The following CHLSN variants were observed in gnomAD, a reference collection of about 807,000 sequenced individuals.
The protein encoded by CHLSN is cholesin.
chr7:1,034,389 AG>A, the CHLSN span, among the ~76,000 whole-genome samples: 5 of 135,438 alleles, frequency 3.7e-5, no homozygotes, highest in African/African-American at 1.3e-4. Flanking sequence ...CGTAAATTTC[AG>A]GGTTTTTTTT....
the CHLSN span, chr7:1,025,003 C>G: frequency 2.6e-5 from 4 of 152,302 alleles, no homozygotes; most frequent in African/African-American, 9.6e-5. Flanking sequence ...GGAGGTGTCA[C>G]AAGGGAAGGC....
the CHLSN span, among the ~76,000 whole-genome samples, chr7:1,027,249 C>T: frequency 6.6e-6 from 1 of 152,246 alleles, no homozygotes; most frequent in African/African-American, 2.4e-5. Context: ...TCATAAAAAT[C>T]ACTGTCAATT....
At chr7:1,004,004 G>A in the CHLSN span, among the ~76,000 whole-genome samples, 1 of 150,172 alleles carries the variant, frequency 6.7e-6, no homozygotes, top group East Asian at 2.0e-4. Flanking sequence ...GAGTCCTGTG[G>A]GTGAGTGGAG....
At chr7:1,034,792 T>A in the CHLSN span, among the ~76,000 whole-genome samples, 4 of 84,782 alleles carry the variant, frequency 4.7e-5, no homozygotes, top group Admixed American at 5.0e-4. Flanking sequence ...TCCTCCTCCC[T>A]CCTCCCACCT....
the CHLSN span, among the ~76,000 whole-genome samples, chr7:1,071,490 CACAAT>C: frequency 6.6e-6 from 1 of 151,954 alleles, no homozygotes; most frequent in Non-Finnish European, 1.5e-5. Flanking sequence ...CCACTGGCCA[CACAAT>C]ACATTAAAAA....
the CHLSN span, among the ~76,000 whole-genome samples, chr7:1,089,854 G>A: frequency 2.0e-5 from 3 of 151,812 alleles, no homozygotes; most frequent in African/African-American, 7.3e-5. Flanking sequence ...AGGCCAAGGC[G>A]GGCAGATCAC....
chr7:1,025,980 GA>G, the CHLSN span: 2 of 152,264 alleles, frequency 1.3e-5, no homozygotes, highest in Admixed American at 6.5e-5. Context: ...GCAGTGGAGG[GA>G]AGAGTGAACT....
At chr7:1,070,393 G>A in the CHLSN span, among the ~76,000 whole-genome samples, 20 of 143,982 alleles carry the variant, frequency 1.4e-4, no homozygotes, top group African/African-American at 4.7e-4. Context: ...CGCCCCGTCC[G>A]GGAGGTGAGG....
chr7:1,057,174 C>A, the CHLSN span, among the ~76,000 whole-genome samples: 2 of 152,142 alleles, frequency 1.3e-5, no homozygotes, highest in African/African-American at 4.8e-5. Context: ...CCCGTCCAAC[C>A]AACTCAGGAC....
chr7:1,135,959 ATATATATAAG>A, the CHLSN span, among the ~76,000 whole-genome samples: 1 of 95,558 alleles, frequency 1.0e-5, no homozygotes, highest in African/African-American at 5.3e-5. Context: ...ATATATATAA[ATATATATAAG>A]TATATATAAA....
At chr7:987,157 C>T in the CHLSN span, 4 of 1,577,698 alleles carry the variant, frequency 2.5e-6, no homozygotes, top group Admixed American at 5.3e-5. Context: ...TGGCCTGCAC[C>T]CTGGACATGG....
chr7:1,089,145 A>T, the CHLSN span, among the ~76,000 whole-genome samples: 1 of 152,366 alleles, frequency 6.6e-6, no homozygotes, highest in South Asian at 2.1e-4. Flanking sequence ...GCCGTTTTTA[A>T]GAAATTAAAT....
the CHLSN span, among the ~76,000 whole-genome samples, chr7:1,137,073 A>C: frequency 6.6e-6 from 1 of 152,118 alleles, no homozygotes; most frequent in Non-Finnish European, 1.5e-5. Flanking sequence ...ACTTGGAGGG[A>C]AAGTCAAGGT....
the CHLSN span, chr7:1,058,693 C>T: frequency 1.7e-6 from 1 of 603,170 alleles, no homozygotes; most frequent in East Asian, 2.8e-5. Flanking sequence ...AGGCTGTGGT[C>T]CCCGTGGCTG....
At chr7:1,135,716 G>A in the CHLSN span, among the ~76,000 whole-genome samples, 1 of 149,488 alleles carries the variant, frequency 6.7e-6, no homozygotes, top group Non-Finnish European at 1.5e-5. Context: ...AGTGAGCCGA[G>A]ATCGCGCCAC....
the CHLSN span, among the ~76,000 whole-genome samples, chr7:1,135,824 A>G: frequency 7.1e-6 from 1 of 140,136 alleles, no homozygotes; most frequent in Non-Finnish European, 1.5e-5. Flanking sequence ...ATATAAAATA[A>G]ATATATAAAT....
the CHLSN span, among the ~76,000 whole-genome samples, chr7:1,037,408 C>T: frequency 7.8e-6 from 1 of 127,504 alleles, no homozygotes; most frequent in Non-Finnish European, 1.7e-5. Context: ...GTGCGCGCCG[C>T]CACGCCTGAC....
the CHLSN span, among the ~76,000 whole-genome samples, chr7:1,132,218 A>G: frequency 6.6e-6 from 1 of 152,254 alleles, no homozygotes; most frequent in Admixed American, 6.5e-5. Context: ...GACTACAACA[A>G]AATTTAAAAT....
chr7:1,127,398 A>G, the CHLSN span: 1 of 1,596,634 alleles, frequency 6.3e-7, no homozygotes, highest in Admixed American at 1.8e-5. Context: ...TGCAACAGAG[A>G]AAGTAAATTG....
Sources: gnomAD v4.1 joint callset for allele counts (sites outside exome capture counted in the v4.1 genomes callset) on GRCh38, gnomAD v4.1.1 for gene constraint, MANE v1.5 for transcripts, NCBI Gene and HGNC (gene_info 2026-07-23, HGNC 2026-07-21) for gene names.